OSBPL1A: variants seen among roughly 807,000 people sequenced by gnomAD.
The protein encoded by OSBPL1A is oxysterol-binding protein-related protein 1.
OSBPL1A carries 80 observed loss-of-function variants against 137.1 expected under a neutral mutation model. The ratio of observed to expected loss-of-function variants is 0.58; its 90% CI spans 0.49 to 0.70. The LOEUF (loss-of-function observed/expected upper bound fraction) is 0.70. Among genes scored for constraint, OSBPL1A ranks in the 30% least tolerant of loss-of-function variants. OSBPL1A has a pLI of 0.00. For synonymous variants in OSBPL1A, 365 were observed against 389.7 expected (o/e 0.94, Z 0.75); for missense variants, 970 against 1,129.4 (o/e 0.86, Z 2.02).
chr18:24,321,608 A>G, intron 7 of OSBPL1A: 4 of 464,510 alleles, frequency 8.6e-6, no homozygotes, highest in South Asian at 4.9e-5. Flanking sequence ...TTTTCAATTT[A>G]CAATGGTTCT....
In OSBPL1A at chr18:24,225,064, A is replaced by G. The variant is rs779259692; in HGVS notation, c.1579T>C (p.Ser527Pro). 1.2e-6 allele frequency: 2 copies of G among 1,614,182 alleles called. No homozygotes were observed. Among genetic ancestry groups the G allele is most frequent in the South Asian group, 1.1e-5 (1 of 91,084 alleles). ...TACCTGTGTTTCTTGATGCCATTGGAGAGAGCATCTCCGCCACCACAGTCT... is the reference window on the plus strand; with the variant it reads ...TACCTGTGTTTCTTGATGCCATTGGGGAGAGCATCTCCGCCACCACAGTCT... Reference protein sequence around the residue: ...EKDCGGGDALSNGIKKHRTSL... With the variant: ...EKDCGGGDALPNGIKKHRTSL... The change falls in exon 17 of 28, where the codon TCC becomes CCC. Residue 527 changes from serine to proline, a missense_variant. By Grantham distance (74) the Ser-to-Pro change is moderately conservative. Coordinates refer to ENST00000319481, the MANE Select transcript of OSBPL1A (RefSeq NM_080597.4).
intron 7 of OSBPL1A, among the ~76,000 whole-genome samples, chr18:24,328,601 A>G (rs570555460): frequency 6.6e-6 from 1 of 152,266 alleles, no homozygotes; most frequent in South Asian, 2.1e-4. Context: ...CAAGAAAGAC[A>G]AGAGCACTTC....
At chr18:24,234,206 T>C (rs1430965919) in intron 16 of OSBPL1A, among the ~76,000 whole-genome samples, 1 of 152,192 alleles carries the variant, frequency 6.6e-6, no homozygotes, top group Non-Finnish European at 1.5e-5. Flanking sequence ...GAATACTTTA[T>C]CCACAGTGGT....
chr18:24,350,980 C>T (rs1280297607), intron 4 of OSBPL1A, among the ~76,000 whole-genome samples: 1 of 152,026 alleles, frequency 6.6e-6, no homozygotes. Flanking sequence ...CCCAGAATGA[C>T]TAAGACATAA....
At chr18:24,218,943 T>G (rs2087798839) in intron 17 of OSBPL1A, among the ~76,000 whole-genome samples, 1 of 152,122 alleles carries the variant, frequency 6.6e-6, no homozygotes, top group Non-Finnish European at 1.5e-5. Context: ...TTTTGTTAGT[T>G]AAAAAGCTAT....
chr18:24,240,448 T>G (rs1182875864), intron 15 of OSBPL1A, among the ~76,000 whole-genome samples: 1 of 152,200 alleles, frequency 6.6e-6, no homozygotes, highest in African/African-American at 2.4e-5. Flanking sequence ...TAAAATAGCA[T>G]GTACTGGATT....
rs2089725573 is a variant in OSBPL1A at position 24,271,759 on chromosome 18, G to C, written c.1281+9083C>G. The C allele has an allele frequency of 1.0e-6, 1 of 985,450 alleles. No individual in the cohort carries two copies. Among genetic ancestry groups the C allele is most frequent in the South Asian group, 4.7e-5 (1 of 21,298 alleles). The allele number at this position is 985,450 out of a possible 1,614,324, so 61.0% of individuals were successfully genotyped here. A position where few individuals can be genotyped will look rare whatever the true frequency, so the allele number is the denominator to read the frequency against. On this transcript the variant is annotated intron_variant, in intron 15 of 27. Transcript: ENST00000319481. This position sits in a 1 kb window ranked among gnomAD's most constrained non-coding sequence, Gnocchi z 4.0. Reference sequence around the variant, plus strand: ...GAGCCGATCCGGGAGGCGCGACCCAGGGCGGCCCGCAAGGTCTCCCTAAGT... The same window carrying C: ...GAGCCGATCCGGGAGGCGCGACCCACGGCGGCCCGCAAGGTCTCCCTAAGT...
chr18:24,221,257 C>G (rs536345756), intron 17 of OSBPL1A, among the ~76,000 whole-genome samples: 129 of 152,278 alleles, frequency 8.5e-4, no homozygotes, highest in African/African-American at 3.0e-3. Flanking sequence ...TGGGTGCATT[C>G]CTTGTGTAAA....
intron 17 of OSBPL1A, among the ~76,000 whole-genome samples, chr18:24,196,452 TC>T (rs759032636): frequency 9.9e-5 from 15 of 152,220 alleles, no homozygotes; most frequent in Non-Finnish European, 1.8e-4. Context: ...AACTCAGTCC[TC>T]CCAGTCCTTG....
At chr18:24,327,481 C>T (rs2091002895) in intron 7 of OSBPL1A, among the ~76,000 whole-genome samples, 2 of 152,138 alleles carry the variant, frequency 1.3e-5, no homozygotes, top group South Asian at 2.1e-4. Flanking sequence ...ATGATCTCAG[C>T]TCACTGCAAC....
intron 4 of OSBPL1A, among the ~76,000 whole-genome samples, chr18:24,345,830 T>C (rs2091337675): frequency 6.6e-6 from 1 of 152,248 alleles, no homozygotes; most frequent in Admixed American, 6.5e-5. Flanking sequence ...ACCTTACTAA[T>C]TTTCATAGCA....
intron 1 of OSBPL1A, among the ~76,000 whole-genome samples, chr18:24,396,287 A>G (rs896781817): frequency 1.4e-4 from 21 of 152,212 alleles, no homozygotes; most frequent in African/African-American, 5.1e-4. Context: ...GTCGGCTACA[A>G]TAATACATGC....
intron 14 of OSBPL1A, among the ~76,000 whole-genome samples, chr18:24,284,652 C>G (rs1199160041): frequency 6.6e-6 from 1 of 151,736 alleles, no homozygotes; most frequent in Non-Finnish European, 1.5e-5. Flanking sequence ...TCCACATTTC[C>G]TTAGCCTAAC....
At chr18:24,163,490 CA>C (rs1226680352) in intron 27 of OSBPL1A, among the ~76,000 whole-genome samples, 1 of 152,142 alleles carries the variant, frequency 6.6e-6, no homozygotes, top group East Asian at 1.9e-4. Context: ...TGATACCATG[CA>C]AAAGGCATAT....
chr18:24,275,936 A>G lies in OSBPL1A; in HGVS notation c.1281+4906T>C, dbSNP rs142118198. 5.1e-3 allele frequency among the ~76,000 whole-genome samples: 769 copies of G among 151,970 alleles called. 7 individuals are homozygous for G. Among genetic ancestry groups the G allele is most frequent in the African/African-American group, 0.018 (739 of 41,452 alleles). On this transcript the variant is annotated intron_variant, in intron 15 of 27. Coordinates refer to ENST00000319481, the MANE Select transcript of OSBPL1A (RefSeq NM_080597.4). ...TAGAGACGAGGTTTCACCATGTTGG[A>G]CAGATTGGTCTCAAACTCCTAACCT...
rs111265915 is a variant in OSBPL1A, at chr18:24,177,054, A to G, written c.2093+959T>C. Among the ~76,000 whole-genome samples, 509 of 152,274 alleles carry G rather than the reference A, an allele frequency of 3.3e-3. 2 individuals carry two copies. The highest frequency in any genetic ancestry group is 0.012 in the African/African-American group (497 of 41,548). ...GCAAAGGGGTAAAAGAAAAGAAAGA[A>G]AAACAAGTAACAGGAATTCTCTCAC... On this transcript the variant is annotated intron_variant, in intron 21 of 27. Transcript: ENST00000319481.
intron 17 of OSBPL1A, among the ~76,000 whole-genome samples, chr18:24,204,059 G>A (rs1263250219): frequency 6.6e-6 from 1 of 152,172 alleles, no homozygotes; most frequent in Non-Finnish European, 1.5e-5. Flanking sequence ...GAGCACCGGG[G>A]TTAAAACTGC....
chr18:24,310,606 AAAAAAAAAAAAGAAAAG>A (rs1353585830), intron 13 of OSBPL1A, among the ~76,000 whole-genome samples: 3 of 150,724 alleles, frequency 2.0e-5, no homozygotes, highest in African/African-American at 7.3e-5. Context: ...CGTCTCAAAA[AAAAAAAAAAAAGAAAAG>A]AAAAAAAAAA....
At position 24,180,203 on chromosome 18, in the gene OSBPL1A, T is replaced by C. The variant is rs763821766; in HGVS notation, c.1813-368A>G. 1.9e-4 allele frequency among the ~76,000 whole-genome samples: 29 copies of C among 152,250 alleles called. 1 individual carries two copies. The South Asian group carries it at 4.6e-3, about 24-fold the overall frequency. ...AGAGATATAAAACTCCACAACTTAA[T>C]TGGTGTTAAGTCCACTGAGGTTGGA... On this transcript the variant is annotated intron_variant, in intron 19 of 27. Coordinates refer to ENST00000319481, the MANE Select transcript of OSBPL1A (RefSeq NM_080597.4).
Sources: allele counts gnomAD v4.1 joint callset (sites outside exome capture counted in the v4.1 genomes callset), GRCh38; gene constraint gnomAD v4.1.1; non-coding constraint Gnocchi (gnomAD v3.1); transcripts MANE v1.5; gene names NCBI Gene and HGNC (gene_info 2026-07-23, HGNC 2026-07-21).